The following CEP128 variants were observed in gnomAD, a reference collection of about 807,000 sequenced individuals.
CEP128 encodes centrosomal protein 128, also known as centrosomal protein 128kDa.
In CEP128, 132 loss-of-function variants were observed where a neutral mutation model predicts 156.7. The ratio of observed to expected loss-of-function variants is 0.84; its 90% CI spans 0.73 to 0.97. The LOEUF (loss-of-function observed/expected upper bound fraction) is 0.97. Among genes scored for constraint, CEP128 ranks in the 50% least tolerant of loss-of-function variants. The pLI is 0.00. For missense variants in CEP128, 1,252 were observed against 1,281.9 expected (o/e 0.98, Z 0.36); for synonymous variants, 469 against 448.9 (o/e 1.04, Z -0.57).
intron 18 of CEP128, among the ~76,000 whole-genome samples, chr14:80,743,539 A>G (rs1898942208): frequency 6.6e-6 from 1 of 152,172 alleles, no homozygotes; most frequent in Non-Finnish European, 1.5e-5. Context: ...ACTTTCAATA[A>G]TATTATGGGT....
chr14:80,958,010 G>A (rs1886794536), intron 2 of CEP128: 1 of 152,164 alleles, frequency 6.6e-6, no homozygotes, highest in South Asian at 2.1e-4. Flanking sequence ...CTGATAAAAA[G>A]TGTGGGTAAA....
rs376145250 is a variant in CEP128, at chr14:80,927,303, G to C, written c.-15-10741C>G. Among the ~76,000 whole-genome samples the C allele has an allele frequency of 1.1e-4, 17 of 152,296 alleles. No homozygotes were observed. In the South Asian group the frequency reaches 2.1e-3, roughly 19 times the overall value. Reference sequence around the variant, plus strand: ...GCTGGGCTCAGTAGGAAAAGTATGTGGCTCTACCCCAATTGTCAGGCAGCC... The same window carrying C: ...GCTGGGCTCAGTAGGAAAAGTATGTCGCTCTACCCCAATTGTCAGGCAGCC... On this transcript the variant is annotated intron_variant, in intron 2 of 24. Coordinates refer to ENST00000555265, the MANE Select transcript of CEP128 (RefSeq NM_152446.5).
At chr14:80,751,682 T>G (rs1899400988) in intron 18 of CEP128, among the ~76,000 whole-genome samples, 1 of 148,622 alleles carries the variant, frequency 6.7e-6, no homozygotes, top group Admixed American at 6.9e-5. Context: ...CAGGCTGGAG[T>G]GCAATGGAAC....
intron 19 of CEP128, among the ~76,000 whole-genome samples, chr14:80,653,832 T>C (rs1189228974): frequency 6.6e-6 from 1 of 152,154 alleles, no homozygotes; most frequent in Non-Finnish European, 1.5e-5. Flanking sequence ...CAATTTAGTG[T>C]GTTCAGAAAG....
At chr14:80,950,217 A>G (rs1270382329) in intron 2 of CEP128, among the ~76,000 whole-genome samples, 1 of 152,168 alleles carries the variant, frequency 6.6e-6, no homozygotes, top group Non-Finnish European at 1.5e-5. Flanking sequence ...GGAACAGTCA[A>G]GGAAACATCC....
intron 19 of CEP128, among the ~76,000 whole-genome samples, chr14:80,584,716 T>TAA (rs1891742540): frequency 6.6e-6 from 1 of 152,186 alleles, no homozygotes; most frequent in South Asian, 2.1e-4. Context: ...CCTAGATAGT[T>TAA]AAAGTGACTT....
At chr14:80,708,645 A>T (rs1010631096) in intron 19 of CEP128, among the ~76,000 whole-genome samples, 1 of 152,128 alleles carries the variant, frequency 6.6e-6, no homozygotes, top group African/African-American at 2.4e-5. Context: ...TTGCCATTTT[A>T]AAAAACTGCT....
chr14:80,689,348 G>T (rs912772207), intron 19 of CEP128, among the ~76,000 whole-genome samples: 9 of 146,676 alleles, frequency 6.1e-5, no homozygotes, highest in Non-Finnish European at 1.3e-4. Flanking sequence ...GGAGCTTATA[G>T]TCTAAATAGG....
chr14:80,723,858 G>A (rs1173220339), intron 19 of CEP128, among the ~76,000 whole-genome samples: 2 of 152,220 alleles, frequency 1.3e-5, no homozygotes, highest in African/African-American at 4.8e-5. Context: ...GAGAACAGAT[G>A]AAGAGCTAAC....
intron 18 of CEP128, among the ~76,000 whole-genome samples, chr14:80,751,619 T>C (rs1375597150): frequency 6.6e-6 from 1 of 151,650 alleles, no homozygotes; most frequent in East Asian, 1.9e-4. Flanking sequence ...GAGAATAAAT[T>C]TGTAAATATG....
chr14:80,635,928 A>G (rs574595503), intron 19 of CEP128, among the ~76,000 whole-genome samples: 126 of 152,332 alleles, frequency 8.3e-4, no homozygotes, highest in African/African-American at 3.0e-3. Flanking sequence ...CTATGTGTAT[A>G]AGGTGTATAT....
intron 13 of CEP128, among the ~76,000 whole-genome samples, chr14:80,826,867 A>C (rs931576496): frequency 6.6e-6 from 1 of 152,176 alleles, no homozygotes; most frequent in Non-Finnish European, 1.5e-5. Context: ...AGGGGAAATA[A>C]CTGATCAAGG....
intron 19 of CEP128, among the ~76,000 whole-genome samples, chr14:80,728,320 T>C (rs1898097615): frequency 6.6e-6 from 1 of 152,020 alleles, no homozygotes; most frequent in African/African-American, 2.4e-5. Context: ...TGAGTACACA[T>C]GGACACAAAG....
intron 13 of CEP128, among the ~76,000 whole-genome samples, chr14:80,819,937 T>A (rs1339793198): frequency 6.6e-6 from 1 of 152,108 alleles, no homozygotes; most frequent in Non-Finnish European, 1.5e-5. Context: ...ACATAAAACC[T>A]GAAACCAAAC....
At chr14:80,615,461 G>A (rs1342079237) in intron 19 of CEP128, among the ~76,000 whole-genome samples, 5 of 152,158 alleles carry the variant, frequency 3.3e-5, no homozygotes, top group Non-Finnish European at 2.9e-5. Context: ...GTGAACATGC[G>A]AAAAGGATTG....
chr14:80,622,263 G>A (rs994220684), intron 19 of CEP128, among the ~76,000 whole-genome samples: 3 of 151,964 alleles, frequency 2.0e-5, no homozygotes, highest in African/African-American at 7.2e-5. Context: ...TTTTCATTGA[G>A]ATGAACCTCT....
chr14:80,803,352 T>C (rs866959773), intron 13 of CEP128, among the ~76,000 whole-genome samples: 32 of 84,180 alleles, frequency 3.8e-4, no homozygotes, highest in African/African-American at 1.6e-3. Context: ...AACAGCCCTA[T>C]GTTAAAAAAA....
chr14:80,631,564 G>GA lies in CEP128; in HGVS notation c.2807-51142_2807-51141insT, dbSNP rs1566822850. ...TACTGTTTGTTTCTATATGTGATTC[G>GA]GTATCTGCAAAGATCAATGAGTAAA... On this transcript the variant is annotated intron_variant, in intron 19 of 24. Coordinates refer to ENST00000555265, the MANE Select transcript of CEP128 (RefSeq NM_152446.5). Among the ~76,000 whole-genome samples, 12 of 151,916 alleles carry GA rather than the reference G, an allele frequency of 7.9e-5. No homozygotes were observed. The Middle Eastern group carries it at 0.01, about 129-fold the overall frequency.
intron 23 of CEP128, among the ~76,000 whole-genome samples, chr14:80,507,223 C>T (rs1888019573): frequency 6.6e-6 from 1 of 152,036 alleles, no homozygotes; most frequent in Non-Finnish European, 1.5e-5. Flanking sequence ...AACACAAGAT[C>T]AGACTAATAC....
Sources: allele counts gnomAD v4.1 joint callset (sites outside exome capture counted in the v4.1 genomes callset), GRCh38; gene constraint gnomAD v4.1.1; transcripts MANE v1.5; gene names NCBI Gene and HGNC (gene_info 2026-07-23, HGNC 2026-07-21).